The following SLC25A21 variants were observed in gnomAD, a reference collection of about 807,000 sequenced individuals.
SLC25A21 encodes the protein solute carrier family 25 member 21, also known as mitochondrial 2-oxodicarboxylate carrier.
A neutral mutation model predicts 43.8 loss-of-function variants in SLC25A21; 47 were observed. The observed-to-expected ratio is 1.07, with a 90% CI of 0.85 to 1.37. The LOEUF (loss-of-function observed/expected upper bound fraction) is 1.37, where lower values mean the gene tolerates loss of function less well. Among genes scored for constraint, SLC25A21 ranks in the 40% most tolerant of loss-of-function variants. The pLI is 0.00. For synonymous variants in SLC25A21, 131 were observed against 121.3 expected, an observed-to-expected ratio of 1.08 and a Z score of -0.52; for missense variants, 352 against 350.2, an observed-to-expected ratio of 1.00 and a Z score of -0.04.
At chr14:36,736,028 C>T (rs1416823341) in intron 3 of SLC25A21, among the ~76,000 whole-genome samples, 5 of 150,542 alleles carry the variant, frequency 3.3e-5, no homozygotes, top group South Asian at 2.1e-4. Context: ...CTCCACCTCC[C>T]GGGTTCACGC....
chr14:36,947,018 C>T (rs79089275), intron 1 of SLC25A21, among the ~76,000 whole-genome samples: 6,604 of 152,234 alleles, frequency 0.043, 288 homozygotes, highest in Middle Eastern at 0.14. Flanking sequence ...TCCAGCTCTC[C>T]TAGACCCACC....
chr14:36,794,120 A>C (rs1324845725), intron 3 of SLC25A21, among the ~76,000 whole-genome samples: 2 of 152,146 alleles, frequency 1.3e-5, no homozygotes, highest in Non-Finnish European at 2.9e-5. Flanking sequence ...TGCATAGATA[A>C]AGGTCTGTGG....
chr14:37,068,666 C>A (rs936542066), intron 1 of SLC25A21, among the ~76,000 whole-genome samples: 3 of 152,114 alleles, frequency 2.0e-5, no homozygotes, highest in African/African-American at 7.2e-5. Context: ...AGTGCAAATT[C>A]TTTGCTTACT....
intron 1 of SLC25A21, among the ~76,000 whole-genome samples, chr14:37,166,153 G>C (rs998641834): frequency 6.6e-6 from 1 of 152,216 alleles, no homozygotes; most frequent in Non-Finnish European, 1.5e-5. Flanking sequence ...GCATGTGCTA[G>C]ATTTCAATTC....
chr14:36,939,824 A>C (rs1356067486), intron 1 of SLC25A21, among the ~76,000 whole-genome samples: 1 of 152,166 alleles, frequency 6.6e-6, no homozygotes, highest in Non-Finnish European at 1.5e-5. Flanking sequence ...CTTGAGCAAA[A>C]TCAAAACTGA....
intron 2 of SLC25A21, among the ~76,000 whole-genome samples, chr14:36,860,906 T>C (rs920465544): frequency 2.6e-5 from 4 of 152,190 alleles, no homozygotes; most frequent in Non-Finnish European, 5.9e-5. Context: ...TTTTGTGTGG[T>C]TTTTGCTATA....
At chr14:36,923,932 T>C (rs988142745) in intron 1 of SLC25A21, among the ~76,000 whole-genome samples, 4 of 152,104 alleles carry the variant, frequency 2.6e-5, no homozygotes, top group East Asian at 1.9e-4. Flanking sequence ...AAAATGCTCA[T>C]CATCACTGGC....
chr14:36,935,215 A>T (rs1028127211), intron 1 of SLC25A21, among the ~76,000 whole-genome samples: 40 of 152,080 alleles, frequency 2.6e-4, no homozygotes, highest in African/African-American at 9.2e-4. Context: ...TAAACTCCTT[A>T]ATGTTCCCCA....
At chr14:36,743,564 C>T (rs749955256) in intron 3 of SLC25A21, among the ~76,000 whole-genome samples, 1 of 152,052 alleles carries the variant, frequency 6.6e-6, no homozygotes, top group Non-Finnish European at 1.5e-5. Flanking sequence ...ATGACACACC[C>T]ACAGCCAACA....
intron 1 of SLC25A21, among the ~76,000 whole-genome samples, chr14:36,982,764 A>T (rs1960057862): frequency 6.6e-6 from 1 of 152,118 alleles, no homozygotes; most frequent in Admixed American, 6.6e-5. Flanking sequence ...CAGTAAGCCA[A>T]AACGGCGACA....
intron 1 of SLC25A21, among the ~76,000 whole-genome samples, chr14:36,947,218 G>C (rs1892698682): frequency 6.6e-6 from 1 of 152,162 alleles, no homozygotes; most frequent in Non-Finnish European, 1.5e-5. Context: ...TTAAGTCACA[G>C]CATTTCACTG....
At chr14:37,113,686 T>C (rs1302529393) in intron 1 of SLC25A21, among the ~76,000 whole-genome samples, 1 of 151,878 alleles carries the variant, frequency 6.6e-6, no homozygotes, top group Non-Finnish European at 1.5e-5. Context: ...AAACCCTGTC[T>C]CCACTAAAAA....
At chr14:37,109,798 CA>C (rs1962985390) in intron 1 of SLC25A21, among the ~76,000 whole-genome samples, 1 of 151,866 alleles carries the variant, frequency 6.6e-6, no homozygotes, top group Non-Finnish European at 1.5e-5. Context: ...TTTTACATTG[CA>C]AAACTGCCAT....
At chr14:36,970,467 A>G (rs1347391044) in intron 1 of SLC25A21, among the ~76,000 whole-genome samples, 1 of 152,244 alleles carries the variant, frequency 6.6e-6, no homozygotes, top group Non-Finnish European at 1.5e-5. Context: ...AATTAATTTT[A>G]TATTTTAATT....
At chr14:36,942,416 C>A (rs568026848) in intron 1 of SLC25A21, among the ~76,000 whole-genome samples, 1 of 152,268 alleles carries the variant, frequency 6.6e-6, no homozygotes, top group South Asian at 2.1e-4. Flanking sequence ...CACCTAGTGG[C>A]GGACGGCGGT....
chr14:36,753,244 T>G (rs558308172), intron 3 of SLC25A21, among the ~76,000 whole-genome samples: 81 of 152,114 alleles, frequency 5.3e-4, no homozygotes, highest in African/African-American at 1.9e-3. Context: ...TATTATGACA[T>G]AATAAAAAAT....
chr14:37,073,350 C>T (rs186578492), intron 1 of SLC25A21, among the ~76,000 whole-genome samples: 154 of 152,280 alleles, frequency 1.0e-3, no homozygotes, highest in African/African-American at 3.6e-3. Context: ...TTTGGGTCAT[C>T]ATTTCTTTCT....
chr14:37,139,441 C>A (rs2138917564), intron 1 of SLC25A21, among the ~76,000 whole-genome samples: 1 of 152,136 alleles, frequency 6.6e-6, no homozygotes, highest in African/African-American at 2.4e-5. Flanking sequence ...CATAACAATG[C>A]TTATATTTCA....
At chr14:36,812,465 T>C (rs943652233) in intron 3 of SLC25A21, among the ~76,000 whole-genome samples, 2 of 150,020 alleles carry the variant, frequency 1.3e-5, no homozygotes, top group Admixed American at 6.7e-5. Context: ...TATATAAAAG[T>C]TATGTAAATA....
Sources: allele counts gnomAD v4.1 joint callset (sites outside exome capture counted in the v4.1 genomes callset), GRCh38; gene constraint gnomAD v4.1.1; transcripts MANE v1.5; gene names NCBI Gene and HGNC (gene_info 2026-07-23, HGNC 2026-07-21).